Variants in CSRNP3 observed in about 807,000 individuals in gnomAD.
CSRNP3 encodes cysteine/serine-rich nuclear protein 3.
CSRNP3 carries 12 observed loss-of-function variants against 48.0 expected under a neutral mutation model. That is an observed-to-expected ratio of 0.25 (90% CI 0.16 to 0.41). The LOEUF (loss-of-function observed/expected upper bound fraction) is 0.41, where lower values mean the gene tolerates loss of function less well. Ranked by LOEUF, CSRNP3 falls within the 10% of genes least tolerant of loss-of-function variation. The probability of loss-of-function intolerance (pLI) is 1.00; values close to 1 mark genes in which losing one functional copy is unlikely to be tolerated. For missense variants in CSRNP3, 580 were observed against 724.4 expected, an observed-to-expected ratio of 0.80 and a Z score of 2.29; for synonymous variants, 263 against 269.7, an observed-to-expected ratio of 0.98 and a Z score of 0.24.
At chr2:165,583,606 A>G (rs1195081903) in intron 3 of CSRNP3, among the ~76,000 whole-genome samples, 1 of 152,156 alleles carries the variant, frequency 6.6e-6, no homozygotes, top group Non-Finnish European at 1.5e-5. Context: ...TGTTGTAAAG[A>G]TTCAGTAAGA....
chr2:165,653,768 T>G (rs1474281791), intron 4 of CSRNP3, among the ~76,000 whole-genome samples: 10 of 151,940 alleles, frequency 6.6e-5, no homozygotes, highest in Admixed American at 6.6e-4. Flanking sequence ...GGTCAGGAGT[T>G]CGAGAACAGC....
chr2:165,577,291 G>C (rs190684765), intron 3 of CSRNP3, among the ~76,000 whole-genome samples: 141 of 151,584 alleles, frequency 9.3e-4, no homozygotes, highest in Admixed American at 4.9e-3. Context: ...GCCTATTCTA[G>C]AATTTACATA....
intron 4 of CSRNP3, among the ~76,000 whole-genome samples, chr2:165,655,816 A>G (rs370392944): frequency 6.6e-6 from 1 of 152,118 alleles, no homozygotes; most frequent in Non-Finnish European, 1.5e-5. Context: ...GTGTCTCTTC[A>G]CATCATCTTC....
In CSRNP3 at chr2:165,683,195, T is replaced by A. The variant is rs1417998968; in HGVS notation, c.*3442T>A. The stretch of plus-strand genomic sequence containing the variant: ...GGGTAAAATTCATTTGTCTCATGTC[T>A]TTTGGTTGATTGAATAATATAGTTA... On this transcript the variant is annotated 3_prime_UTR_variant, in exon 7 of 7. Coordinates refer to ENST00000651982, the MANE Select transcript of CSRNP3 (RefSeq NM_001172173.2). 1.3e-5 allele frequency: 2 copies of A among 152,146 alleles called. No homozygotes were observed. The highest frequency in any genetic ancestry group is 1.3e-4 in the Admixed American group (2 of 15,254). The allele number at this position is 152,146 out of a possible 1,614,324, so 9.4% of individuals were successfully genotyped here.
intron 3 of CSRNP3, among the ~76,000 whole-genome samples, chr2:165,543,919 C>G (rs1684990008): frequency 6.6e-6 from 1 of 152,002 alleles, no homozygotes; most frequent in Admixed American, 6.6e-5. Context: ...GATCAAGACA[C>G]TTGCCCTCCA....
chr2:165,507,481 G>A (rs1433469723), intron 2 of CSRNP3, among the ~76,000 whole-genome samples: 1 of 152,064 alleles, frequency 6.6e-6, no homozygotes, highest in Non-Finnish European at 1.5e-5. Context: ...GGGCTCCTCT[G>A]TATTCACCCT....
chr2:165,530,550 A>G (rs1391484858), intron 3 of CSRNP3, among the ~76,000 whole-genome samples: 2 of 152,124 alleles, frequency 1.3e-5, no homozygotes, highest in African/African-American at 4.8e-5. Context: ...GAATGTATGT[A>G]TTTGCATATA....
chr2:165,634,069 T>C (rs1348030198), intron 4 of CSRNP3, among the ~76,000 whole-genome samples: 1 of 152,248 alleles, frequency 6.6e-6, no homozygotes, highest in Non-Finnish European at 1.5e-5. Context: ...TCCAGCCCCG[T>C]GGCTCACACC....
At chr2:165,513,937 C>T (rs1388785718) in intron 2 of CSRNP3, among the ~76,000 whole-genome samples, 1 of 152,208 alleles carries the variant, frequency 6.6e-6, no homozygotes, top group Non-Finnish European at 1.5e-5. Flanking sequence ...ATGACTTTCT[C>T]AATTAAGCCC....
chr2:165,652,137 T>C (rs973364441), intron 4 of CSRNP3, among the ~76,000 whole-genome samples: 1 of 152,200 alleles, frequency 6.6e-6, no homozygotes, highest in Non-Finnish European at 1.5e-5. Context: ...GCAGTGTATA[T>C]AGTAGTGTTG....
chr2:165,559,524 A>G (rs1301457970), intron 3 of CSRNP3, among the ~76,000 whole-genome samples: 1 of 152,170 alleles, frequency 6.6e-6, no homozygotes, highest in Non-Finnish European at 1.5e-5. Context: ...TGAACAAAAA[A>G]TAATTTATTA....
In CSRNP3 at chr2:165,678,826, G is replaced by A. The variant is rs201388368; in HGVS notation, c.831G>A (p.Leu277=). Residue 277 remains leucine (L), a synonymous_variant, in exon 7 of 7, where the codon CTG becomes CTA. Coordinates refer to ENST00000651982, the MANE Select transcript of CSRNP3 (RefSeq NM_001172173.2). ...HFLHTIMKLE[L]EKNREQQIPT... ...TGCACACAATAATGAAACTTGAACT[G>A]GAGAAAAACCGAGAGCAGCAAATCC... 6.8e-6 allele frequency: 11 copies of A among 1,614,034 alleles called. No individual in the cohort carries two copies. The highest frequency in any genetic ancestry group is 5.0e-5 in the Admixed American group (3 of 59,996).
intron 5 of CSRNP3, among the ~76,000 whole-genome samples, chr2:165,662,856 T>C (rs764003917): frequency 1.2e-4 from 19 of 152,220 alleles, no homozygotes; most frequent in Non-Finnish European, 2.6e-4. Flanking sequence ...CTTTTCAGAA[T>C]TATGTACTTT....
At chr2:165,577,282 C>A (rs1685468401) in intron 3 of CSRNP3, among the ~76,000 whole-genome samples, 1 of 151,346 alleles carries the variant, frequency 6.6e-6, no homozygotes, top group East Asian at 1.9e-4. Flanking sequence ...CTTTTTATTG[C>A]CTATTCTAGA....
chr2:165,611,786 C>G (rs1052704875), intron 4 of CSRNP3, among the ~76,000 whole-genome samples: 1 of 152,046 alleles, frequency 6.6e-6, no homozygotes, highest in African/African-American at 2.4e-5. Flanking sequence ...AAACCCAGAC[C>G]AGTCTCAGTT....
At chr2:165,520,814 T>TA (rs1402755548) in intron 3 of CSRNP3, among the ~76,000 whole-genome samples, 2 of 89,136 alleles carry the variant, frequency 2.2e-5, no homozygotes, top group Non-Finnish European at 4.5e-5. Context: ...TATATATATA[T>TA]ATATATATAT....
chr2:165,509,494 G>A (rs1165120226), intron 2 of CSRNP3, among the ~76,000 whole-genome samples: 2 of 152,194 alleles, frequency 1.3e-5, no homozygotes, highest in East Asian at 3.9e-4. Flanking sequence ...GAAGTGGTCA[G>A]ATTGAGGATG....
intron 4 of CSRNP3, among the ~76,000 whole-genome samples, chr2:165,610,195 G>T (rs1573916789): frequency 6.6e-6 from 1 of 152,322 alleles, no homozygotes; most frequent in Non-Finnish European, 1.5e-5. Flanking sequence ...ACGTTAGTCT[G>T]ACTGTGGGGT....
intron 2 of CSRNP3, among the ~76,000 whole-genome samples, chr2:165,515,526 G>A (rs1033826554): frequency 6.6e-6 from 1 of 151,424 alleles, no homozygotes; most frequent in Non-Finnish European, 1.5e-5. Flanking sequence ...TTTAGATTTA[G>A]TTACAGATCA....
Sources: allele counts gnomAD v4.1 joint callset (sites outside exome capture counted in the v4.1 genomes callset), GRCh38; gene constraint gnomAD v4.1.1; transcripts MANE v1.5; gene names NCBI Gene and HGNC (gene_info 2026-07-23, HGNC 2026-07-21).